Variants in CFDP1 observed in about 807,000 individuals in gnomAD.
The protein encoded by CFDP1 is chromatin remodeling protein CFDP1, also known as heterochromatin-stabilizing protein CFDP1.
In CFDP1, 31 loss-of-function variants were observed where a neutral mutation model predicts 40.1. The observed-to-expected ratio is 0.77, with a 90% confidence interval of 0.58 to 1.04. The LOEUF (loss-of-function observed/expected upper bound fraction) is 1.04. CFDP1 is among the 50% of genes least tolerant of loss of function. CFDP1 has a pLI of 0.00. For synonymous variants in CFDP1, 167 were observed against 120.0 expected, an observed-to-expected ratio of 1.39 and a Z score of -2.56; for missense variants, 423 against 343.4, an observed-to-expected ratio of 1.23 and a Z score of -1.83.
chr16:75,346,006 T>A lies in CFDP1; in HGVS notation c.651-40824A>T, dbSNP rs534929667. ...ACTCAAGAAGAAATCTGAATGCATG[T>A]GAAGTGAAAAAGAATTGGATGGTAG... On this transcript the variant is annotated intron_variant, in intron 5 of 6. Transcript: ENST00000283882. Among the ~76,000 whole-genome samples the A allele has an allele frequency of 4.6e-5, 7 of 152,212 alleles. No individual in the cohort carries two copies. In the South Asian group the frequency reaches 1.5e-3, roughly 32 times the overall value.
intron 1 of CFDP1, among the ~76,000 whole-genome samples, chr16:75,417,714 G>C (rs2079223582): frequency 6.6e-6 from 1 of 151,814 alleles, no homozygotes; most frequent in Non-Finnish European, 1.5e-5. Context: ...AAACATAACT[G>C]TATACCAAAA....
At chr16:75,321,047 A>C (rs953437167) in intron 5 of CFDP1, among the ~76,000 whole-genome samples, 2 of 151,966 alleles carry the variant, frequency 1.3e-5, no homozygotes, top group Admixed American at 1.3e-4. Context: ...CTCCTGCCTC[A>C]GCTTCCTGAG....
At chr16:75,315,050 C>A (rs1325206714) in intron 5 of CFDP1, among the ~76,000 whole-genome samples, 5 of 152,076 alleles carry the variant, frequency 3.3e-5, no homozygotes, top group African/African-American at 7.2e-5. Flanking sequence ...CCATACCTGG[C>A]CAGGAAAATA....
intron 5 of CFDP1, among the ~76,000 whole-genome samples, chr16:75,315,437 C>G (rs902299406): frequency 2.7e-5 from 4 of 150,026 alleles, no homozygotes; most frequent in African/African-American, 9.8e-5. Context: ...ATTAATGAAC[C>G]TTGAGGCTGA....
chr16:75,412,294 T>C (rs1252978585), intron 3 of CFDP1, among the ~76,000 whole-genome samples: 3 of 152,160 alleles, frequency 2.0e-5, no homozygotes, highest in African/African-American at 7.2e-5. Flanking sequence ...GCAGGGATTG[T>C]TGGTGTGTGG....
At chr16:75,378,814 T>C (rs2078826075) in intron 5 of CFDP1, among the ~76,000 whole-genome samples, 2 of 152,170 alleles carry the variant, frequency 1.3e-5, no homozygotes, top group African/African-American at 4.8e-5. Flanking sequence ...TTTCCAAGTG[T>C]CCACAGAATA....
At chr16:75,297,497 C>T (rs1449844243) in intron 6 of CFDP1, among the ~76,000 whole-genome samples, 5 of 152,126 alleles carry the variant, frequency 3.3e-5, no homozygotes, top group African/African-American at 4.8e-5. Context: ...AAATGGGTCA[C>T]GGTCCCAGAA....
intron 1 of CFDP1, among the ~76,000 whole-genome samples, chr16:75,420,574 A>G (rs1334449396): frequency 3.3e-5 from 5 of 152,232 alleles, no homozygotes; most frequent in Non-Finnish European, 2.9e-5. Flanking sequence ...CAACTGGATA[A>G]TATGTGTAGT....
intron 1 of CFDP1, among the ~76,000 whole-genome samples, chr16:75,426,035 CAAAAAAAAAAAAAA>C (rs71134711): frequency 2.9e-5 from 1 of 34,510 alleles, no homozygotes; most frequent in East Asian, 9.9e-4. Flanking sequence ...CACTCTGTCT[CAAAAAAAAAAAAAA>C]AAAAAAAAAA....
At chr16:75,360,812 G>C (rs140319172) in intron 5 of CFDP1, among the ~76,000 whole-genome samples, 1 of 152,216 alleles carries the variant, frequency 6.6e-6, no homozygotes, top group African/African-American at 2.4e-5. Flanking sequence ...ATTTTCAATA[G>C]ACAAATTTAA....
chr16:75,300,750 T>C (rs1453976293), intron 6 of CFDP1, among the ~76,000 whole-genome samples: 2 of 152,128 alleles, frequency 1.3e-5, no homozygotes, highest in African/African-American at 2.4e-5. Context: ...ACAGCTGAAA[T>C]GTAAGCCTGG....
intron 4 of CFDP1, among the ~76,000 whole-genome samples, chr16:75,404,064 G>A (rs988004292): frequency 6.6e-5 from 10 of 151,296 alleles, no homozygotes; most frequent in East Asian, 3.9e-4. Context: ...CCCAGGAGGC[G>A]GAGGTTGCAG....
intron 5 of CFDP1, among the ~76,000 whole-genome samples, chr16:75,373,822 G>A (rs923977611): frequency 6.6e-6 from 1 of 152,076 alleles, no homozygotes; most frequent in East Asian, 1.9e-4. Context: ...ATTGTAATAA[G>A]CATTTCCATT....
In CFDP1 at chr16:75,412,519, T is replaced by C; in HGVS notation, c.402+16A>G. ...ATTTCTGGAGAGGCATTCACCTCAC[T>C]AATGTCTCAACTTACCTTAACTTGT... On this transcript the variant is annotated intron_variant, in intron 3 of 6. Coordinates refer to ENST00000283882, the MANE Select transcript of CFDP1 (RefSeq NM_006324.3). 6.3e-7 allele frequency: 1 copy of C among 1,595,132 alleles called. No homozygotes were observed. The highest frequency in any genetic ancestry group is 8.6e-7 in the Non-Finnish European group (1 of 1,162,668).
At chr16:75,375,528 A>G (rs2078785490) in intron 5 of CFDP1, among the ~76,000 whole-genome samples, 1 of 152,186 alleles carries the variant, frequency 6.6e-6, no homozygotes, top group African/African-American at 2.4e-5. Flanking sequence ...GCGGTGGCTC[A>G]TGCCTGTAAT....
At chr16:75,401,889 C>G (rs1190155270) in intron 4 of CFDP1, among the ~76,000 whole-genome samples, 5 of 151,980 alleles carry the variant, frequency 3.3e-5, no homozygotes, top group African/African-American at 4.8e-5. Flanking sequence ...TTAAGGAGCT[C>G]ACAGTTCAGC....
At chr16:75,407,358 T>C (rs1207536697) in intron 4 of CFDP1, among the ~76,000 whole-genome samples, 4 of 152,240 alleles carry the variant, frequency 2.6e-5, no homozygotes, top group East Asian at 1.9e-4. Context: ...ATAGAATGTT[T>C]TGAATTGTAT....
intron 4 of CFDP1, among the ~76,000 whole-genome samples, chr16:75,403,537 A>C (rs568952054): frequency 6.6e-6 from 1 of 152,314 alleles, no homozygotes; most frequent in Non-Finnish European, 1.5e-5. Flanking sequence ...TCTTACAGCA[A>C]CAGTTATTTA....
intron 4 of CFDP1, among the ~76,000 whole-genome samples, chr16:75,400,497 G>C (rs2079042216): frequency 6.6e-6 from 1 of 152,118 alleles, no homozygotes; most frequent in Non-Finnish European, 1.5e-5. Context: ...GCTAAAACCA[G>C]TTGGAATTAT....
Sources: allele counts gnomAD v4.1 joint callset (sites outside exome capture counted in the v4.1 genomes callset), GRCh38; gene constraint gnomAD v4.1.1; transcripts MANE v1.5; gene names NCBI Gene and HGNC (gene_info 2026-07-23, HGNC 2026-07-21).